CRYGN: variants seen among roughly 807,000 people sequenced by gnomAD.
CRYGN encodes gamma-crystallin N.
A neutral mutation model predicts 19.2 loss-of-function variants in CRYGN; 17 were observed. The ratio of observed to expected loss-of-function variants is 0.89; its 90% CI spans 0.61 to 1.33. CRYGN has a LOEUF of 1.33. Ranked by LOEUF, CRYGN falls within the 40% of genes most tolerant of loss-of-function variation. CRYGN has a pLI of 0.00. For missense variants in CRYGN, 239 were observed against 239.6 expected (o/e 1.00, Z 0.02); for synonymous variants, 84 against 85.8 (o/e 0.98, Z 0.12).
In CRYGN at chr7:151,436,213, C is replaced by A. The variant is rs1477766819; in HGVS notation, c.383G>T (p.Cys128Phe). Residue 128 changes from cysteine (C) to phenylalanine (F), a missense_variant, in exon 3 of 4, where the codon TGT (cysteine) becomes TTT (phenylalanine). Transcript: ENST00000337323. This position sits in a 1 kb window ranked among gnomAD's most constrained non-coding sequence, Gnocchi z 5.1. Reference protein sequence around the residue: ...FLQSRGWVKNCVNTIKVYGDG... With the variant: ...FLQSRGWVKNFVNTIKVYGDG... ...CCCGTACACCTTGATGGTGTTCACA[C>A]AGTTCTTGACCCAGCCCCTGCTCTG... 6.3e-7 allele frequency: 1 copy of A among 1,578,828 alleles called. No individual in the cohort carries two copies.
chr7:151,433,158 C>T lies in CRYGN; in HGVS notation c.417-2978G>A, dbSNP rs71539880. Among the ~76,000 whole-genome samples the T allele has an allele frequency of 6.6e-6, 1 of 152,162 alleles. No individual in the cohort carries two copies. The highest frequency in any genetic ancestry group is 6.5e-5 in the Admixed American group (1 of 15,292). On this transcript the variant is annotated intron_variant, in intron 3 of 3. Coordinates refer to ENST00000337323, the MANE Select transcript of CRYGN (RefSeq NM_144727.3). This position sits in a 1 kb window ranked among gnomAD's most constrained non-coding sequence, Gnocchi z 5.1. Reference sequence around the variant, plus strand: ...ACCACTGGGGCAGCCACCAACAACCCAGAGAGCAGAAACAGTCAGGACAAG... The same window carrying T: ...ACCACTGGGGCAGCCACCAACAACCTAGAGAGCAGAAACAGTCAGGACAAG...
rs559375249 is a variant in CRYGN at position 151,433,909 on chromosome 7, G to A, written c.416+2271C>T. On this transcript the variant is annotated intron_variant, in intron 3 of 3. Coordinates refer to ENST00000337323, the MANE Select transcript of CRYGN (RefSeq NM_144727.3). This position sits in a 1 kb window ranked among gnomAD's most constrained non-coding sequence, Gnocchi z 5.1. ...TGCCCTTCCCCAGGTGAGGGTAGGT[G>A]GAGGCAGAACGCCAGTGCATTTCCC... 6.6e-6 allele frequency among the ~76,000 whole-genome samples: 1 copy of A among 152,284 alleles called. No individual in the cohort carries two copies. Among genetic ancestry groups the A allele is most frequent in the East Asian group, 1.9e-4 (1 of 5,172 alleles).
rs1801727736 is a variant in CRYGN, at chr7:151,440,135, C to T, written c.-218G>A. The T allele has an allele frequency of 2.3e-6, 3 of 1,330,420 alleles. No homozygotes were observed. Among genetic ancestry groups the T allele is most frequent in the Non-Finnish European group, 2.9e-6 (3 of 1,040,272 alleles). The allele number at this position is 1,330,420 out of a possible 1,614,324, so 82.4% of individuals were successfully genotyped here. ...CTGCCCGGGGTCTCCCTGTGCTCTC[C>T]GCGTTTAGCTCCCGAGCCTCCTTCC... On this transcript the variant is annotated 5_prime_UTR_variant, in exon 1 of 4. Coordinates refer to ENST00000337323, the MANE Select transcript of CRYGN (RefSeq NM_144727.3).
In CRYGN at chr7:151,439,997, T is replaced by A; in HGVS notation, c.-80A>T. On this transcript the variant is annotated 5_prime_UTR_variant, in exon 1 of 4. Coordinates refer to ENST00000337323, the MANE Select transcript of CRYGN (RefSeq NM_144727.3). ...GCTCAGCGCCGCCCCGGACAAAAGATTTGCTGGGCCGGCCCCGGAGCGTTA... is the reference window on the plus strand; with the variant it reads ...GCTCAGCGCCGCCCCGGACAAAAGAATTGCTGGGCCGGCCCCGGAGCGTTA... 7.0e-7 allele frequency: 1 copy of A among 1,431,994 alleles called. No homozygotes were observed. The allele number at this position is 1,431,994 out of a possible 1,614,324, so 88.7% of individuals were successfully genotyped here.
rs1047425437 is a variant in CRYGN at position 151,435,945 on chromosome 7, C to G, written c.416+235G>C. On this transcript the variant is annotated intron_variant, in intron 3 of 3. Coordinates refer to ENST00000337323, the MANE Select transcript of CRYGN (RefSeq NM_144727.3). This position sits in a 1 kb window ranked among gnomAD's most constrained non-coding sequence, Gnocchi z 4.2. ...GAAGGTCTCAGGGTGCCTCTGGGGC[C>G]CAGAGTCCCTCTCTGAGGCCCTTCT... Among the ~76,000 whole-genome samples, 1 of 152,128 alleles carries G rather than the reference C, an allele frequency of 6.6e-6. No individual in the cohort carries two copies. Among genetic ancestry groups the G allele is most frequent in the Non-Finnish European group, 1.5e-5 (1 of 68,008 alleles).
chr7:151,434,164 C>T (rs746135575), intron 3 of CRYGN, among the ~76,000 whole-genome samples: 3 of 152,148 alleles, frequency 2.0e-5, no homozygotes, highest in East Asian at 1.9e-4. Flanking sequence ...GAGTCTTAGG[C>T]GGCAAAGGCT....
intron 1 of CRYGN, 86 bp from the exon 2 acceptor site, chr7:151,438,330 A>G: frequency 5.8e-6 from 8 of 1,376,972 alleles, no homozygotes; most frequent in Non-Finnish European, 7.9e-6. Flanking sequence ...AACACCCTGG[A>G]TGGAACCCCT....
chr7:151,434,203 C>T lies in CRYGN; in HGVS notation c.416+1977G>A, dbSNP rs1379436679. ...CTCCTGGGTCCCCCACCTGGGGTCCCGATGGCTGGCTCCTCTCAGGGACAG... is the reference window on the plus strand; with the variant it reads ...CTCCTGGGTCCCCCACCTGGGGTCCTGATGGCTGGCTCCTCTCAGGGACAG... On this transcript the variant is annotated intron_variant, in intron 3 of 3. Coordinates refer to ENST00000337323, the MANE Select transcript of CRYGN (RefSeq NM_144727.3). 3.3e-5 allele frequency among the ~76,000 whole-genome samples: 5 copies of T among 152,152 alleles called. No individual in the cohort carries two copies. In the East Asian group the frequency reaches 7.7e-4, roughly 23 times the overall value.
Position 151,436,357 on chromosome 7 carries a change from G to GCAGC in CRYGN, c.271-33_271-32insGCTG. The GCAGC allele has an allele frequency of 6.9e-7, 1 of 1,446,302 alleles. No homozygotes were observed. Among genetic ancestry groups the GCAGC allele is most frequent in the Non-Finnish European group, 9.3e-7 (1 of 1,077,826 alleles). The allele number at this position is 1,446,302 out of a possible 1,614,324, so 89.6% of individuals were successfully genotyped here. A position where few individuals can be genotyped will look rare whatever the true frequency, so the allele number is the denominator to read the frequency against. Reference sequence around the variant, plus strand: ...GACCAAGCAAAAAAGAAGGAAAGAAGGAGGTTGCTGTGAATTCCCCTCTCC... The same window carrying GCAGC: ...GACCAAGCAAAAAAGAAGGAAAGAAGCAGCGAGGTTGCTGTGAATTCCCCTCTCC... On this transcript the variant is annotated intron_variant, in intron 2 of 3. Transcript: ENST00000337323. The surrounding 1 kb of genome is among the most constrained non-coding windows in gnomAD (Gnocchi z 5.1).
chr7:151,430,175 C>G lies in CRYGN; in HGVS notation c.422G>C (p.Trp141Ser). 2 of 1,613,916 alleles carry G rather than the reference C, an allele frequency of 1.2e-6. No homozygotes were observed. The highest frequency in any genetic ancestry group is 1.7e-6 in the Non-Finnish European group (2 of 1,180,010). The change falls in exon 4 of 4, where the codon TGG (tryptophan) becomes TCG (serine). Residue 141 changes from tryptophan (W) to serine (S), a missense_variant. By Grantham distance (177) the Trp-to-Ser change is radical. Coordinates refer to ENST00000337323, the MANE Select transcript of CRYGN (RefSeq NM_144727.3). The surrounding 1 kb of genome is among the most constrained non-coding windows in gnomAD (Gnocchi z 5.2). ...TIKVYGDGAAWSPRSFGAEDF... is the reference protein window; with the variant it reads ...TIKVYGDGAASSPRSFGAEDF... ...CTCAGCTCCGAAGCTTCTAGGGCTC[C>G]ATGCTCTGTGGTTTGCAGGTGAAAG...
intron 2 of CRYGN, 99 bp downstream of exon 2, chr7:151,437,897 G>T: frequency 6.3e-7 from 1 of 1,588,890 alleles, no homozygotes; most frequent in Non-Finnish European, 8.5e-7. Flanking sequence ...TTTAAAGCCG[G>T]GAGGACCACG....
chr7:151,432,750 G>C (rs867923876), intron 3 of CRYGN, among the ~76,000 whole-genome samples: 2 of 152,200 alleles, frequency 1.3e-5, no homozygotes, highest in African/African-American at 4.8e-5. Context: ...GTTGCAGTGA[G>C]CCGAGATTGC....
At chr7:151,438,329 G>C (rs770375888) in intron 1 of CRYGN, 85 bp from the exon 2 acceptor site, 19 of 1,397,832 alleles carry the variant, frequency 1.4e-5, no homozygotes, top group Non-Finnish European at 1.6e-5. Context: ...CAACACCCTG[G>C]ATGGAACCCC....
rs1395347432 is a variant in CRYGN, at chr7:151,430,701, C to T, written c.417-521G>A. On this transcript the variant is annotated intron_variant, in intron 3 of 3. Coordinates refer to ENST00000337323, the MANE Select transcript of CRYGN (RefSeq NM_144727.3). The surrounding 1 kb of genome is among the most constrained non-coding windows in gnomAD (Gnocchi z 5.2). The stretch of plus-strand genomic sequence containing the variant: ...GTAACCCAGGGCTCATGGGCTTTCC[C>T]TCGGAGTCCTGAGCTGGGCGACCAG... 6.6e-6 allele frequency among the ~76,000 whole-genome samples: 1 copy of T among 152,226 alleles called. No individual in the cohort carries two copies. Among genetic ancestry groups the T allele is most frequent in the Non-Finnish European group, 1.5e-5 (1 of 68,040 alleles).
Position 151,435,904 on chromosome 7 carries a change from A to T in CRYGN, c.416+276T>A, listed in dbSNP as rs1801590432. On this transcript the variant is annotated intron_variant, in intron 3 of 3. Transcript: ENST00000337323. This position sits in a 1 kb window ranked among gnomAD's most constrained non-coding sequence, Gnocchi z 4.2. ...GGTACTCTCCTACCTCTGCTCCTGGACTGAGGCCCTAGAGGGAAGGTCTCA... is the reference window on the plus strand; with the variant it reads ...GGTACTCTCCTACCTCTGCTCCTGGTCTGAGGCCCTAGAGGGAAGGTCTCA... 6.6e-6 allele frequency among the ~76,000 whole-genome samples: 1 copy of T among 152,112 alleles called. No homozygotes were observed. Among genetic ancestry groups the T allele is most frequent in the African/African-American group, 2.4e-5 (1 of 41,418 alleles).
chr7:151,434,953 G>A (rs1801566031), intron 3 of CRYGN, among the ~76,000 whole-genome samples: 1 of 152,176 alleles, frequency 6.6e-6, no homozygotes, highest in African/African-American at 2.4e-5. Flanking sequence ...CAACATAAAC[G>A]CTATGTAAAT....
chr7:151,433,771 A>G lies in CRYGN; in HGVS notation c.416+2409T>C, dbSNP rs891639104. On this transcript the variant is annotated intron_variant, in intron 3 of 3. Transcript: ENST00000337323. The surrounding 1 kb of genome is among the most constrained non-coding windows in gnomAD (Gnocchi z 5.1). ...TGAGGGTTCTCACATGGACACCCCC[A>G]AAAGGAGGGGGCGGGGAACCACCCA... is the stretch of plus-strand genomic sequence containing the variant. The G allele has an allele frequency of 6.5e-6, 1 of 154,674 alleles. No homozygotes were observed. Among genetic ancestry groups the G allele is most frequent in the African/African-American group, 2.4e-5 (1 of 41,522 alleles). The allele number at this position is 154,674 out of a possible 1,614,324, so 9.6% of individuals were successfully genotyped here. A position where few individuals can be genotyped will look rare whatever the true frequency, so the allele number is the denominator to read the frequency against.
chr7:151,436,359 A>C lies in CRYGN; in HGVS notation c.271-34T>G. The stretch of plus-strand genomic sequence containing the variant: ...CCAAGCAAAAAAGAAGGAAAGAAGG[A>C]GGTTGCTGTGAATTCCCCTCTCCCA... On this transcript the variant is annotated intron_variant, in intron 2 of 3. Transcript: ENST00000337323. This position sits in a 1 kb window ranked among gnomAD's most constrained non-coding sequence, Gnocchi z 5.1. 6.8e-7 allele frequency: 1 copy of C among 1,475,016 alleles called. No homozygotes were observed. The highest frequency in any genetic ancestry group is 9.1e-7 in the Non-Finnish European group (1 of 1,103,924). The allele number at this position is 1,475,016 out of a possible 1,614,324, so 91.4% of individuals were successfully genotyped here.
At position 151,436,533 on chromosome 7, in the gene CRYGN, A is replaced by AGCCACTG. The variant is rs1227448305; in HGVS notation, c.271-215_271-209dup. On this transcript the variant is annotated intron_variant, in intron 2 of 3. Coordinates refer to ENST00000337323, the MANE Select transcript of CRYGN (RefSeq NM_144727.3). The surrounding 1 kb of genome is among the most constrained non-coding windows in gnomAD (Gnocchi z 5.1). ...GTTCTATTACTCTGAAAATGTTCCA[A>AGCCACTG]GCCACTGAGCTGGTCCAAGCTCCTC... Among the ~76,000 whole-genome samples, 2 of 152,156 alleles carry AGCCACTG rather than the reference A, an allele frequency of 1.3e-5. No individual in the cohort carries two copies. The highest frequency in any genetic ancestry group is 2.9e-5 in the Non-Finnish European group (2 of 68,034).
Sources: gnomAD v4.1 joint callset for allele counts (sites outside exome capture counted in the v4.1 genomes callset) on GRCh38, gnomAD v4.1.1 for gene constraint, Gnocchi (gnomAD v3.1) non-coding constraint, MANE v1.5 for transcripts, NCBI Gene and HGNC (gene_info 2026-07-23, HGNC 2026-07-21) for gene names.